SLC30A8: variants seen among roughly 807,000 people sequenced by gnomAD.
The protein encoded by SLC30A8 is solute carrier family 30 member 8.
In SLC30A8, 27 loss-of-function variants were observed where a neutral mutation model predicts 36.9. That is an observed-to-expected ratio of 0.73 (90% CI 0.54 to 1.01). The LOEUF (loss-of-function observed/expected upper bound fraction) is 1.01, where lower values mean the gene tolerates loss of function less well. Ranked by LOEUF, SLC30A8 falls within the 50% of genes least tolerant of loss-of-function variation. The probability of loss-of-function intolerance (pLI) is 0.00; values close to 1 mark genes in which losing one functional copy is unlikely to be tolerated. For synonymous variants in SLC30A8, 164 were observed against 172.4 expected (o/e 0.95, Z 0.38); for missense variants, 439 against 452.0 (o/e 0.97, Z 0.26).
chr8:116,957,263 T>TTTTTTTA (rs1308049262), intron 1 of SLC30A8, among the ~76,000 whole-genome samples: 5 of 152,042 alleles, frequency 3.3e-5, no homozygotes, highest in Non-Finnish European at 5.9e-5. Flanking sequence ...GCACCATTCT[T>TTTTTTTA]TTTTTTATTT....
intron 1 of SLC30A8, among the ~76,000 whole-genome samples, chr8:116,974,441 C>T (rs547229266): frequency 3.9e-5 from 6 of 152,168 alleles, no homozygotes; most frequent in South Asian, 2.1e-4. Flanking sequence ...AAAAAATGCT[C>T]GTCATCACTG....
At chr8:116,963,851 G>A (rs1295783663) in intron 1 of SLC30A8, among the ~76,000 whole-genome samples, 1 of 152,210 alleles carries the variant, frequency 6.6e-6, no homozygotes, top group East Asian at 1.9e-4. Flanking sequence ...TTGCACAGCA[G>A]CTGTACCATT....
chr8:117,091,785 A>C (rs1819138870), intron 2 of SLC30A8, among the ~76,000 whole-genome samples: 1 of 152,168 alleles, frequency 6.6e-6, no homozygotes, highest in Admixed American at 6.5e-5. Context: ...AAGGTAAGAA[A>C]ATGAAGGTAT....
At chr8:117,022,970 C>T (rs561877787) in intron 1 of SLC30A8, among the ~76,000 whole-genome samples, 105 of 152,240 alleles carry the variant, frequency 6.9e-4, no homozygotes, top group African/African-American at 2.2e-3. Flanking sequence ...TTTTTGCAAC[C>T]TTCTCATCTG....
At chr8:117,099,819 G>A (rs762090628) in intron 2 of SLC30A8, among the ~76,000 whole-genome samples, 3 of 152,184 alleles carry the variant, frequency 2.0e-5, no homozygotes, top group Admixed American at 6.5e-5. Flanking sequence ...GAGATGACAT[G>A]TATTGTTTGT....
intron 1 of SLC30A8, among the ~76,000 whole-genome samples, chr8:117,143,696 A>ACACACACT (rs1554589496): frequency 1.1e-4 from 16 of 149,628 alleles, no homozygotes; most frequent in African/African-American, 2.2e-4. Context: ...ACACACACAC[A>ACACACACT]CTCACACATG....
chr8:116,970,816 C>T (rs1009267505), intron 1 of SLC30A8, among the ~76,000 whole-genome samples: 1 of 151,940 alleles, frequency 6.6e-6, no homozygotes, highest in African/African-American at 2.4e-5. Context: ...AAAATAAGGC[C>T]GGGGGTGGTG....
intron 2 of SLC30A8, among the ~76,000 whole-genome samples, chr8:117,106,281 A>T (rs2130868928): frequency 6.6e-6 from 1 of 152,312 alleles, no homozygotes; most frequent in East Asian, 1.9e-4. Flanking sequence ...AATTGTAATT[A>T]ATTTAGGTTT....
chr8:117,049,663 C>T (rs141029424), intron 2 of SLC30A8, among the ~76,000 whole-genome samples: 1,967 of 152,328 alleles, frequency 0.013, 12 homozygotes, highest in Non-Finnish European at 0.02. Flanking sequence ...GTGCCCTTCT[C>T]CTTCTGAAAA....
At chr8:117,169,531 C>G (rs1351944262) in intron 6 of SLC30A8, among the ~76,000 whole-genome samples, 2 of 152,236 alleles carry the variant, frequency 1.3e-5, no homozygotes, top group East Asian at 3.9e-4. Context: ...TGCTTATGCT[C>G]AGGCCTCCCA....
At chr8:117,086,840 G>T (rs1818896905) in intron 2 of SLC30A8, among the ~76,000 whole-genome samples, 1 of 152,198 alleles carries the variant, frequency 6.6e-6, no homozygotes, top group South Asian at 2.1e-4. Context: ...TGGGCAAATT[G>T]TGAGGAATTA....
At chr8:117,131,182 ATGGTTTG>A (rs1484863434), upstream of SLC30A8, among the ~76,000 whole-genome samples, 1 of 151,998 alleles carries the variant, frequency 6.6e-6, no homozygotes, top group African/African-American at 2.4e-5. Context: ...AATATTGGAA[ATGGTTTG>A]TGTTTTATAC....
intron 2 of SLC30A8, among the ~76,000 whole-genome samples, chr8:117,097,528 T>C (rs191147808): frequency 0.068 from 7,243 of 105,930 alleles, 400 homozygotes; most frequent in African/African-American, 0.17. Flanking sequence ...TAATATATAT[T>C]ATATATAATA....
chr8:116,999,955 C>T (rs577481189), intron 1 of SLC30A8, among the ~76,000 whole-genome samples: 1 of 152,108 alleles, frequency 6.6e-6, no homozygotes, highest in Non-Finnish European at 1.5e-5. Context: ...GAAAGTAGGT[C>T]CCAGGAAGCC....
intron 2 of SLC30A8, among the ~76,000 whole-genome samples, chr8:117,096,594 C>T (rs1366702462): frequency 3.3e-5 from 5 of 151,526 alleles, no homozygotes; most frequent in African/African-American, 1.2e-4. Context: ...GGAGCACACA[C>T]AGAAGTTATA....
chr8:117,146,582 ATTTAT>A (rs953332510), intron 1 of SLC30A8, among the ~76,000 whole-genome samples: 1 of 151,618 alleles, frequency 6.6e-6, no homozygotes, highest in African/African-American at 2.4e-5. Context: ...ATGTACCCTA[ATTTAT>A]TTTATTATTA....
chr8:117,146,988 C>T lies in SLC30A8; in HGVS notation c.106C>T (p.Gln36Ter), dbSNP rs1821928621. 2 of 1,613,932 alleles carry T rather than the reference C, an allele frequency of 1.2e-6. No individual in the cohort carries two copies. The highest frequency in any genetic ancestry group is 2.2e-5 in the South Asian group (2 of 91,084). Residue 36 changes from glutamine (Q) to a stop codon, truncating the protein, a stop_gained, in exon 2 of 8, where the codon CAG becomes TAG. Transcript: ENST00000456015. LOFTEE classifies it high-confidence loss of function. ...CCAACAGAAACCGGTGAATAAAGAT[C>T]AGTGTCCCAGAGAGAGACCAGAGGA... The part of the protein sequence containing the change: ...ELQQKPVNKD[Q>*]CPRERPEELE...
At chr8:117,009,460 T>C (rs993702041) in intron 1 of SLC30A8, among the ~76,000 whole-genome samples, 4 of 152,232 alleles carry the variant, frequency 2.6e-5, no homozygotes, top group African/African-American at 9.6e-5. Context: ...TTGTCATTCT[T>C]ATGTGATTTC....
intron 2 of SLC30A8, among the ~76,000 whole-genome samples, chr8:117,066,496 T>C (rs1170209478): frequency 6.6e-6 from 1 of 151,536 alleles, no homozygotes; most frequent in Non-Finnish European, 1.5e-5. Flanking sequence ...AGAAAAGTGA[T>C]TTTTTTTTCT....
Sources: allele counts gnomAD v4.1 joint callset (sites outside exome capture counted in the v4.1 genomes callset), GRCh38; gene constraint gnomAD v4.1.1; transcripts MANE v1.5; gene names NCBI Gene and HGNC (gene_info 2026-07-23, HGNC 2026-07-21).